CNGA1: variants seen among roughly 807,000 people sequenced by gnomAD.
CNGA1 encodes the protein cyclic nucleotide gated channel subunit alpha 1, also known as cyclic nucleotide-gated channel alpha-1.
CNGA1 carries 53 observed loss-of-function variants against 69.7 expected under a neutral mutation model. The observed-to-expected ratio is 0.76, with a 90% CI of 0.61 to 0.96. The LOEUF (loss-of-function observed/expected upper bound fraction) is 0.96. Ranked by LOEUF, CNGA1 falls within the 40% of genes least tolerant of loss-of-function variation. The pLI is 0.00. For synonymous variants in CNGA1, 249 were observed against 283.5 expected (o/e 0.88, Z 1.22); for missense variants, 739 against 811.2 (o/e 0.91, Z 1.08).
At chr4:47,974,409 A>G (rs565315262) in intron 3 of CNGA1, among the ~76,000 whole-genome samples, 1 of 152,296 alleles carries the variant, frequency 6.6e-6, no homozygotes, top group South Asian at 2.1e-4. Flanking sequence ...TTGTGTCAGC[A>G]CCTTTGCCTT....
At chr4:47,968,368 T>C (rs1242944980) in intron 3 of CNGA1, among the ~76,000 whole-genome samples, 2 of 152,072 alleles carry the variant, frequency 1.3e-5, no homozygotes, top group African/African-American at 2.4e-5. Context: ...AAGAGGTCCA[T>C]GAAGAAGATG....
At chr4:47,968,320 G>A (rs997082593) in intron 3 of CNGA1, among the ~76,000 whole-genome samples, 1 of 152,128 alleles carries the variant, frequency 6.6e-6, no homozygotes, top group Non-Finnish European at 1.5e-5. Flanking sequence ...TAATATTCTA[G>A]GGGAGTTTTT....
intron 6 of CNGA1, among the ~76,000 whole-genome samples, chr4:47,947,052 G>T (rs1206182547): frequency 6.6e-6 from 1 of 152,168 alleles, no homozygotes; most frequent in African/African-American, 2.4e-5. Flanking sequence ...CTCCCAAAGT[G>T]CTGGGATTAC....
At chr4:47,966,361 G>C (rs1170950284) in intron 3 of CNGA1, among the ~76,000 whole-genome samples, 1 of 152,120 alleles carries the variant, frequency 6.6e-6, no homozygotes, top group Non-Finnish European at 1.5e-5. Context: ...AAGATATGCT[G>C]TATACCCACT....
Position 47,937,741 on chromosome 4 carries a change from C to G in CNGA1, c.741G>C (p.Leu247=), listed in dbSNP as rs779686570. The G allele has an allele frequency of 3.1e-6, 5 of 1,613,860 alleles. No homozygotes were observed. The highest frequency in any genetic ancestry group is 4.2e-6 in the Non-Finnish European group (5 of 1,179,854). Reference sequence around the variant, plus strand: ...ACAGCAAATCAGTTGGTATCAGTGACAGAACATCAAGTTTAAATTGCAAGT... The same window carrying G: ...ACAGCAAATCAGTTGGTATCAGTGAGAGAACATCAAGTTTAAATTGCAAGT... ...KSNLQFKLDV[L]SLIPTDLLYF... is the part of the protein sequence containing the mutation. Residue 247 remains leucine (L), a synonymous_variant, in exon 11 of 11, where the codon CTG becomes CTC. Transcript: ENST00000514170.
At position 47,998,596 on chromosome 4, in the gene CNGA1, GA is replaced by G. The variant is rs370667244; in HGVS notation, c.-123+12197del. Among the ~76,000 whole-genome samples the G allele has an allele frequency of 2.7e-3, 406 of 151,370 alleles. 2 individuals carry two copies. Among genetic ancestry groups the G allele is most frequent in the Middle Eastern group, 0.014 (4 of 294 alleles). The stretch of plus-strand genomic sequence containing the variant: ...TCGAGACCAGCCTGACCAACATGGT[GA>G]AAACCCGTCTCTACTAAAAATACAA... On this transcript the variant is annotated intron_variant, in intron 2 of 10. Coordinates refer to ENST00000514170, the MANE Select transcript of CNGA1 (RefSeq NM_001379270.1).
intron 9 of CNGA1, 39 bp downstream of exon 9, chr4:47,942,002 G>A (rs775793898): frequency 2.7e-5 from 34 of 1,238,104 alleles, no homozygotes; most frequent in Non-Finnish European, 3.5e-5. Flanking sequence ...TAGAAATGGG[G>A]TGAGATCCAC....
intron 10 of CNGA1, among the ~76,000 whole-genome samples, chr4:47,938,128 A>G (rs914512396): frequency 6.6e-6 from 1 of 151,216 alleles, no homozygotes; most frequent in Admixed American, 6.6e-5. Context: ...GTGAGCCATG[A>G]TAGCACTACT....
intron 8 of CNGA1, 126 bp from the exon 9 acceptor site, chr4:47,942,274 TCTGCAGTGTGAAGATTAGCATGGCA>T (rs1739129840): frequency 1.4e-6 from 1 of 711,408 alleles, no homozygotes. Context: ...AGAAGCTCAC[TCTGCAGTGTGAAGATTAGCATGGCA>T]TAAGAGCACT....
intron 6 of CNGA1, 37 bp downstream of exon 6, chr4:47,949,796 A>G (rs1380488760): frequency 1.3e-6 from 2 of 1,572,664 alleles, no homozygotes; most frequent in Non-Finnish European, 8.7e-7. Flanking sequence ...TTTTCTTTAA[A>G]ACCAAAACTT....
At chr4:47,948,444 A>G (rs1739553029) in intron 6 of CNGA1, among the ~76,000 whole-genome samples, 1 of 152,214 alleles carries the variant, frequency 6.6e-6, no homozygotes, top group South Asian at 2.1e-4. Flanking sequence ...ATGGGGTCTA[A>G]GTAGGGGTGA....
At chr4:47,978,834 T>C (rs531043395) in intron 3 of CNGA1, among the ~76,000 whole-genome samples, 1 of 152,222 alleles carries the variant, frequency 6.6e-6, no homozygotes, top group East Asian at 2.0e-4. Flanking sequence ...AAGAAATTTC[T>C]TTATAAAAAA....
chr4:47,999,612 T>C (rs1714568761), intron 2 of CNGA1, among the ~76,000 whole-genome samples: 1 of 152,196 alleles, frequency 6.6e-6, no homozygotes, highest in African/African-American at 2.4e-5. Flanking sequence ...AGCTCACACC[T>C]GTAATCACAG....
chr4:48,009,941 C>T (rs1715078747), intron 2 of CNGA1, among the ~76,000 whole-genome samples: 2 of 152,036 alleles, frequency 1.3e-5, no homozygotes, highest in Non-Finnish European at 2.9e-5. Flanking sequence ...ACATTATGTA[C>T]TCAACACACA....
chr4:47,974,280 G>A (rs1175439140), intron 3 of CNGA1, among the ~76,000 whole-genome samples: 1 of 151,496 alleles, frequency 6.6e-6, no homozygotes, highest in African/African-American at 2.4e-5. Flanking sequence ...ATTTTTAGTG[G>A]TGGGATCATT....
chr4:48,014,100 T>C (rs1279276002), intron 1 of CNGA1, among the ~76,000 whole-genome samples: 1 of 152,232 alleles, frequency 6.6e-6, no homozygotes, highest in Non-Finnish European at 1.5e-5. Context: ...GGGTCTCAGT[T>C]ATTATCGCAT....
intron 3 of CNGA1, among the ~76,000 whole-genome samples, chr4:47,967,837 G>A (rs1244911139): frequency 6.6e-6 from 1 of 152,130 alleles, no homozygotes; most frequent in African/African-American, 2.4e-5. Flanking sequence ...AATTAGCTGG[G>A]TGTGGTGGTG....
rs899778913 is a variant in CNGA1 at position 47,974,204 on chromosome 4, T to C, written c.-15+7189A>G. ...TTGTGAAGTAATATTTATAGTATCA[T>C]ACATTTTATTTTAAAACTGTGTGTG... On this transcript the variant is annotated intron_variant, in intron 3 of 10. Coordinates refer to ENST00000514170, the MANE Select transcript of CNGA1 (RefSeq NM_001379270.1). Among the ~76,000 whole-genome samples, 11 of 35,566 alleles carry C rather than the reference T, an allele frequency of 3.1e-4. No individual in the cohort carries two copies. In the African/African-American group the frequency reaches 3.7e-3, roughly 12 times the overall value. 23.3% of individuals were successfully genotyped at this position (35,566 alleles called of 152,430 possible).
intron 3 of CNGA1, among the ~76,000 whole-genome samples, chr4:47,969,492 T>C (rs561203705): frequency 6.6e-6 from 1 of 152,258 alleles, no homozygotes; most frequent in South Asian, 2.1e-4. Context: ...TTTTTTTAGA[T>C]GGAGTCTTGC....
Sources: allele counts gnomAD v4.1 joint callset (sites outside exome capture counted in the v4.1 genomes callset), GRCh38; gene constraint gnomAD v4.1.1; transcripts MANE v1.5; gene names NCBI Gene and HGNC (gene_info 2026-07-23, HGNC 2026-07-21).